NFATC3: variants seen among roughly 807,000 people sequenced by gnomAD.
The protein encoded by NFATC3 is nuclear factor of activated T cells 3, also known as nuclear factor of activated T-cells, cytoplasmic 3.
A neutral mutation model predicts 98.6 loss-of-function variants in NFATC3; 46 were observed. The ratio of observed to expected loss-of-function variants is 0.47; its 90% CI spans 0.37 to 0.60. The LOEUF is 0.60. Among genes scored for constraint, NFATC3 ranks in the 20% least tolerant of loss-of-function variants. The pLI is 0.00. For synonymous variants in NFATC3, 512 were observed against 472.2 expected (o/e 1.08, Z -1.09); for missense variants, 1,256 against 1,295.5 (o/e 0.97, Z 0.47).
intron 3 of NFATC3, among the ~76,000 whole-genome samples, chr16:68,127,595 G>A (rs1055547979): frequency 1.3e-5 from 2 of 151,770 alleles, no homozygotes; most frequent in African/African-American, 4.8e-5. Context: ...GGCTAAGATG[G>A]GAAGATCAAT....
chr16:68,218,514 C>CAAAAAA (rs1326968858), intron 9 of NFATC3, among the ~76,000 whole-genome samples: 3 of 59,420 alleles, frequency 5.0e-5, no homozygotes, highest in African/African-American at 1.9e-4. Flanking sequence ...GAGAGCCTCT[C>CAAAAAA]AAAAAAAAAA....
intron 1 of NFATC3, among the ~76,000 whole-genome samples, chr16:68,087,840 A>G (rs577087293): frequency 2.0e-5 from 3 of 152,206 alleles, no homozygotes; most frequent in East Asian, 1.9e-4. Flanking sequence ...ATTCCTTTCT[A>G]TGGCTGAATA....
chr16:68,202,550 G>A (rs960493388), intron 9 of NFATC3, among the ~76,000 whole-genome samples: 2 of 152,154 alleles, frequency 1.3e-5, no homozygotes, highest in African/African-American at 4.8e-5. Flanking sequence ...GGTGGCTGAC[G>A]CCTGTAATCC....
At chr16:68,094,862 CA>C (rs2034924671) in intron 1 of NFATC3, among the ~76,000 whole-genome samples, 1 of 152,164 alleles carries the variant, frequency 6.6e-6, no homozygotes, top group African/African-American at 2.4e-5. Context: ...TGGCTTCACA[CA>C]GCTCTTTTCT....
At chr16:68,201,957 CAAAAAAAAAAAA>C (rs778770193) in intron 9 of NFATC3, among the ~76,000 whole-genome samples, 3 of 23,638 alleles carry the variant, frequency 1.3e-4, no homozygotes, top group Admixed American at 5.5e-4. Flanking sequence ...GACTCCATCT[CAAAAAAAAAAAA>C]AAAAAAAAAA....
intron 1 of NFATC3, among the ~76,000 whole-genome samples, chr16:68,098,791 G>A (rs917331202): frequency 3.3e-5 from 5 of 152,150 alleles, no homozygotes; most frequent in African/African-American, 9.7e-5. Flanking sequence ...AATAACTAAT[G>A]CTCTTGAACA....
intron 9 of NFATC3, among the ~76,000 whole-genome samples, chr16:68,219,401 TA>T (rs1567555571): frequency 6.6e-6 from 1 of 151,092 alleles, no homozygotes; most frequent in African/African-American, 2.4e-5. Flanking sequence ...TAAATAAAAA[TA>T]AAAAAATAAA....
intron 1 of NFATC3, among the ~76,000 whole-genome samples, chr16:68,121,702 G>A (rs2151501575): frequency 6.6e-6 from 1 of 151,616 alleles, no homozygotes; most frequent in Admixed American, 6.6e-5. Context: ...CTTTTTCAGG[G>A]CATAATGTTT....
chr16:68,184,022 A>G (rs991643755), intron 8 of NFATC3, among the ~76,000 whole-genome samples: 42 of 151,938 alleles, frequency 2.8e-4, no homozygotes, highest in African/African-American at 6.8e-4. Flanking sequence ...AAAAAAAAAA[A>G]AAAGAAATGA....
intron 9 of NFATC3, among the ~76,000 whole-genome samples, chr16:68,211,149 C>T (rs999859959): frequency 2.0e-5 from 3 of 151,556 alleles, no homozygotes; most frequent in South Asian, 4.2e-4. Context: ...GTTTCCTTTT[C>T]TTTAATCTTT....
intron 9 of NFATC3, among the ~76,000 whole-genome samples, chr16:68,222,828 GAGGAGGCATGTTAGAAGTCACGCAC>G (rs1370219212): frequency 3.3e-5 from 5 of 152,192 alleles, no homozygotes; most frequent in Non-Finnish European, 5.9e-5. Flanking sequence ...CTAATATGAA[GAGGAGGCATGTTAGAAGTCACGCAC>G]AGAGATTTGT....
chr16:68,210,157 G>T lies in NFATC3; in HGVS notation c.3107-16193G>T, dbSNP rs148394637. Reference sequence around the variant, plus strand: ...CTGAAAATACAAAAAAATTAGCTGGGCATGGTGGCGGGCACCTGTAGTCCC... The same window carrying T: ...CTGAAAATACAAAAAAATTAGCTGGTCATGGTGGCGGGCACCTGTAGTCCC... On this transcript the variant is annotated intron_variant, in intron 9 of 9. Transcript: ENST00000346183. 1.8e-3 allele frequency among the ~76,000 whole-genome samples: 278 copies of T among 152,190 alleles called. 4 individuals are homozygous for T. The highest frequency in any genetic ancestry group is 6.3e-3 in the African/African-American group (262 of 41,528).
chr16:68,155,445 G>T (rs1182607103), intron 3 of NFATC3, among the ~76,000 whole-genome samples: 1 of 152,138 alleles, frequency 6.6e-6, no homozygotes, highest in Non-Finnish European at 1.5e-5. Context: ...ATGCCCTGAG[G>T]CTCAGAAATA....
chr16:68,172,103 G>T (rs1166056455), intron 5 of NFATC3, among the ~76,000 whole-genome samples: 1 of 152,242 alleles, frequency 6.6e-6, no homozygotes, highest in African/African-American at 2.4e-5. Flanking sequence ...AAAGTGCTGG[G>T]ATTACAGGCG....
intron 9 of NFATC3, among the ~76,000 whole-genome samples, chr16:68,197,424 C>T (rs1427148997): frequency 6.6e-6 from 1 of 152,208 alleles, no homozygotes; most frequent in East Asian, 1.9e-4. Flanking sequence ...ACTGGGACCA[C>T]AGGCACATGC....
chr16:68,120,092 A>T (rs2036489061), intron 1 of NFATC3, among the ~76,000 whole-genome samples: 1 of 150,798 alleles, frequency 6.6e-6, no homozygotes, highest in African/African-American at 2.5e-5. Context: ...AGGCTGGGCA[A>T]CAAAACGAGA....
intron 6 of NFATC3, among the ~76,000 whole-genome samples, chr16:68,178,763 G>C (rs1327425476): frequency 1.3e-5 from 2 of 152,316 alleles, no homozygotes; most frequent in East Asian, 1.9e-4. Context: ...ATCTGTGCAT[G>C]AATACAATTA....
At chr16:68,209,673 C>T in intron 9 of NFATC3, 4 of 407,602 alleles carry the variant, frequency 9.8e-6, no homozygotes, top group South Asian at 3.9e-5. Flanking sequence ...CCAAATCAAC[C>T]TACTTAAGGT....
intron 1 of NFATC3, among the ~76,000 whole-genome samples, chr16:68,087,380 A>T (rs2034442110): frequency 6.6e-6 from 1 of 152,218 alleles, no homozygotes; most frequent in Non-Finnish European, 1.5e-5. Flanking sequence ...AAAAATTTTT[A>T]ATGATCTTTA....
Sources: gnomAD v4.1 joint callset for allele counts (sites outside exome capture counted in the v4.1 genomes callset) on GRCh38, gnomAD v4.1.1 for gene constraint, MANE v1.5 for transcripts, NCBI Gene and HGNC (gene_info 2026-07-23, HGNC 2026-07-21) for gene names.